The following FAM171A1 variants were observed in gnomAD, a reference collection of about 807,000 sequenced individuals.
FAM171A1 encodes family with sequence similarity 171 member A1.
A neutral mutation model predicts 74.9 loss-of-function variants in FAM171A1; 23 were observed. The ratio of observed to expected loss-of-function variants is 0.31; its 90% confidence interval spans 0.22 to 0.44. FAM171A1 has a LOEUF of 0.44. Among genes scored for constraint, FAM171A1 ranks in the 20% least tolerant of loss-of-function variants. The probability of loss-of-function intolerance (pLI) is 1.00; values close to 1 mark genes in which losing one functional copy is unlikely to be tolerated. For synonymous variants in FAM171A1, 527 were observed against 505.7 expected (o/e 1.04, Z -0.57); for missense variants, 1,162 against 1,159.2 (o/e 1.00, Z -0.03).
chr10:15,259,242 C>A lies in FAM171A1; in HGVS notation c.419-4363G>T, dbSNP rs528806545. Among the ~76,000 whole-genome samples the A allele has an allele frequency of 2.8e-4, 43 of 152,306 alleles. No homozygotes were observed. The Middle Eastern group carries it at 0.01, about 36-fold the overall frequency. ...AAATTTCTTGCACCATATTTCTCTC[C>A]CTTTTTGCATCCAACAGCGTATGTT... On this transcript the variant is annotated intron_variant, in intron 3 of 7. Transcript: ENST00000378116.
At chr10:15,316,795 C>T (rs12777590) in intron 1 of FAM171A1, among the ~76,000 whole-genome samples, 13,593 of 152,198 alleles carry the variant, frequency 0.089, 656 homozygotes, top group Middle Eastern at 0.11. Context: ...ATGGCCCCTC[C>T]GCAGGGATAT....
intron 4 of FAM171A1, among the ~76,000 whole-genome samples, chr10:15,251,434 G>T (rs1458009558): frequency 2.1e-5 from 3 of 139,710 alleles, no homozygotes; most frequent in African/African-American, 8.1e-5. Context: ...ACAGAGTCTT[G>T]CTCTGTCACC....
chr10:15,272,775 C>A (rs1834843314), intron 3 of FAM171A1, among the ~76,000 whole-genome samples: 1 of 152,198 alleles, frequency 6.6e-6, no homozygotes, highest in South Asian at 2.1e-4. Flanking sequence ...ATCTCAACAA[C>A]CTGCTCCTGA....
chr10:15,228,434 C>T (rs1834138201), intron 5 of FAM171A1, among the ~76,000 whole-genome samples: 1 of 150,124 alleles, frequency 6.7e-6, no homozygotes, highest in Non-Finnish European at 1.5e-5. Flanking sequence ...CCTCTGGTTC[C>T]TGGGCTCAAG....
At chr10:15,257,692 G>A (rs908876535) in intron 3 of FAM171A1, among the ~76,000 whole-genome samples, 10 of 152,068 alleles carry the variant, frequency 6.6e-5, no homozygotes, top group Non-Finnish European at 1.2e-4. Context: ...GGCACGACAC[G>A]GGTACCATCC....
intron 5 of FAM171A1, among the ~76,000 whole-genome samples, chr10:15,244,810 C>T (rs1254276129): frequency 1.3e-5 from 2 of 152,024 alleles, no homozygotes; most frequent in Admixed American, 6.6e-5. Flanking sequence ...CATACCGTGC[C>T]GTTCAAGCTG....
intron 1 of FAM171A1, among the ~76,000 whole-genome samples, chr10:15,314,823 C>T (rs554065704): frequency 2.6e-5 from 4 of 152,126 alleles, no homozygotes; most frequent in East Asian, 1.9e-4. Context: ...TCACTTCTCA[C>T]GAGCCCAGGA....
chr10:15,319,080 T>C (rs1835455612), intron 1 of FAM171A1, among the ~76,000 whole-genome samples: 1 of 152,196 alleles, frequency 6.6e-6, no homozygotes, highest in South Asian at 2.1e-4. Context: ...CCAGGAATGT[T>C]GAGTTGCAGG....
chr10:15,362,895 A>G (rs980821574), intron 1 of FAM171A1, among the ~76,000 whole-genome samples: 2 of 152,182 alleles, frequency 1.3e-5, no homozygotes, highest in Admixed American at 6.5e-5. Flanking sequence ...CTTATTTTCC[A>G]ATAGGATTGT....
chr10:15,324,210 C>T (rs369625714), intron 1 of FAM171A1, among the ~76,000 whole-genome samples: 1 of 152,182 alleles, frequency 6.6e-6, no homozygotes. Flanking sequence ...AAGACATCTA[C>T]TTGCTGCATG....
intron 4 of FAM171A1, among the ~76,000 whole-genome samples, chr10:15,250,799 T>C (rs995309922): frequency 3.3e-5 from 5 of 152,100 alleles, no homozygotes; most frequent in Admixed American, 1.3e-4. Context: ...TACAGAGACA[T>C]TAAATAATTT....
At chr10:15,227,214 TG>T (rs1348717448) in intron 5 of FAM171A1, among the ~76,000 whole-genome samples, 1 of 152,220 alleles carries the variant, frequency 6.6e-6, no homozygotes, top group Non-Finnish European at 1.5e-5. Context: ...TTGGCCAGGC[TG>T]GTCTCGAACT....
At chr10:15,273,753 C>A (rs1319128890) in intron 3 of FAM171A1, among the ~76,000 whole-genome samples, 2 of 152,138 alleles carry the variant, frequency 1.3e-5, no homozygotes, top group Admixed American at 1.3e-4. Flanking sequence ...TAAATGTAAT[C>A]CATCACATAA....
chr10:15,350,760 A>G (rs1835868312), intron 1 of FAM171A1, among the ~76,000 whole-genome samples: 1 of 151,828 alleles, frequency 6.6e-6, no homozygotes, highest in South Asian at 2.1e-4. Flanking sequence ...CTCCTGCCTC[A>G]GCCTCCCCAG....
intron 1 of FAM171A1, among the ~76,000 whole-genome samples, chr10:15,366,442 A>G (rs1836063577): frequency 6.6e-6 from 1 of 152,170 alleles, no homozygotes; most frequent in Non-Finnish European, 1.5e-5. Flanking sequence ...TCTAAAATAC[A>G]TTTAAAATAT....
intron 1 of FAM171A1, among the ~76,000 whole-genome samples, chr10:15,307,200 C>A (rs1187560716): frequency 6.6e-6 from 1 of 152,132 alleles, no homozygotes; most frequent in African/African-American, 2.4e-5. Context: ...CTGCAAATTC[C>A]CATTTGCTTG....
At chr10:15,256,591 T>G (rs1170489917) in intron 3 of FAM171A1, among the ~76,000 whole-genome samples, 1 of 152,202 alleles carries the variant, frequency 6.6e-6, no homozygotes, top group Non-Finnish European at 1.5e-5. Context: ...CTCCAGACCA[T>G]CGATTCCCCT....
At chr10:15,224,792 C>T (rs566976660) in intron 5 of FAM171A1, among the ~76,000 whole-genome samples, 1 of 151,676 alleles carries the variant, frequency 6.6e-6, no homozygotes, top group East Asian at 1.9e-4. Flanking sequence ...TATAAATTTC[C>T]CAGTCTCAGG....
chr10:15,352,671 T>C (rs1009340722), intron 1 of FAM171A1, among the ~76,000 whole-genome samples: 1 of 152,186 alleles, frequency 6.6e-6, no homozygotes, highest in Non-Finnish European at 1.5e-5. Flanking sequence ...GTGGGGAAAG[T>C]ACACAACGAA....
Sources: gnomAD v4.1 joint callset for allele counts (sites outside exome capture counted in the v4.1 genomes callset) on GRCh38, gnomAD v4.1.1 for gene constraint, MANE v1.5 for transcripts, NCBI Gene and HGNC (gene_info 2026-07-23, HGNC 2026-07-21) for gene names.